The following ARHGAP15 variants were observed in gnomAD, a reference collection of about 807,000 sequenced individuals.
ARHGAP15 encodes Rho GTPase activating protein 15.
A neutral mutation model predicts 63.7 loss-of-function variants in ARHGAP15; 51 were observed. The observed-to-expected ratio is 0.80, with a 90% CI of 0.64 to 1.01. The LOEUF (loss-of-function observed/expected upper bound fraction) is 1.01, where lower values mean the gene tolerates loss of function less well. Among genes scored for constraint, ARHGAP15 ranks in the 50% least tolerant of loss-of-function variants. ARHGAP15 has a pLI of 0.00. For missense variants in ARHGAP15, 560 were observed against 564.6 expected (o/e 0.99, Z 0.08); for synonymous variants, 191 against 193.8 (o/e 0.99, Z 0.12).
At chr2:143,577,456 T>C (rs1415774335) in intron 11 of ARHGAP15, among the ~76,000 whole-genome samples, 1 of 152,124 alleles carries the variant, frequency 6.6e-6, no homozygotes, top group Non-Finnish European at 1.5e-5. Flanking sequence ...TTTTCCTTTA[T>C]GTAACTGGAA....
chr2:143,756,697 A>G (rs1686589505), intron 13 of ARHGAP15, among the ~76,000 whole-genome samples: 1 of 152,244 alleles, frequency 6.6e-6, no homozygotes, highest in South Asian at 2.1e-4. Flanking sequence ...ATTTCCATTT[A>G]CAATGAGATA....
chr2:143,710,317 C>T (rs1399790532), intron 13 of ARHGAP15, among the ~76,000 whole-genome samples: 2 of 152,134 alleles, frequency 1.3e-5, no homozygotes, highest in Non-Finnish European at 2.9e-5. Flanking sequence ...CAACTGGACT[C>T]CCATAGCAGA....
chr2:143,255,598 ATAATT>A (rs1680380450), intron 6 of ARHGAP15, among the ~76,000 whole-genome samples: 1 of 150,376 alleles, frequency 6.6e-6, no homozygotes, highest in Non-Finnish European at 1.5e-5. Flanking sequence ...TAATGTGAAG[ATAATT>A]TAATAACATC....
In ARHGAP15 at chr2:143,681,860, C is replaced by A. The variant is rs564226044; in HGVS notation, c.1139-21559C>A. On this transcript the variant is annotated intron_variant, in intron 12 of 13. Transcript: ENST00000295095. ...GGTGCCAGAGGCATGGCAAGCAGCACTCTGCAGCTTGGTGCCCTATTCATA... is the reference window on the plus strand; with the variant it reads ...GGTGCCAGAGGCATGGCAAGCAGCAATCTGCAGCTTGGTGCCCTATTCATA... Among the ~76,000 whole-genome samples the A allele has an allele frequency of 5.3e-5, 8 of 152,312 alleles. No individual in the cohort carries two copies. In the South Asian group the frequency reaches 1.7e-3, roughly 32 times the overall value.
At chr2:143,424,642 A>C (rs767070385) in intron 6 of ARHGAP15, among the ~76,000 whole-genome samples, 10 of 152,092 alleles carry the variant, frequency 6.6e-5, no homozygotes, top group South Asian at 4.2e-4. Flanking sequence ...ACTAAATCTC[A>C]TCCATCCTTT....
chr2:143,468,030 T>A (rs1248998205), intron 8 of ARHGAP15, among the ~76,000 whole-genome samples: 1 of 152,132 alleles, frequency 6.6e-6, no homozygotes, highest in East Asian at 1.9e-4. Context: ...AGACCTTTGC[T>A]TCCTTAAAGC....
At chr2:143,600,581 A>G (rs1697728677) in intron 11 of ARHGAP15, among the ~76,000 whole-genome samples, 1 of 152,206 alleles carries the variant, frequency 6.6e-6, no homozygotes, top group Admixed American at 6.6e-5. Flanking sequence ...TGGTGTTACA[A>G]CCATGACTAC....
At chr2:143,321,497 A>T (rs1684020089) in intron 6 of ARHGAP15, among the ~76,000 whole-genome samples, 1 of 152,200 alleles carries the variant, frequency 6.6e-6, no homozygotes, top group South Asian at 2.1e-4. Context: ...CTTCCGGGGG[A>T]AAGTCCTAAG....
intron 11 of ARHGAP15, among the ~76,000 whole-genome samples, chr2:143,613,022 C>CA (rs1698317084): frequency 6.6e-6 from 1 of 152,164 alleles, no homozygotes; most frequent in African/African-American, 2.4e-5. Flanking sequence ...TTTGAGATGT[C>CA]AGTTTCCTTG....
intron 12 of ARHGAP15, among the ~76,000 whole-genome samples, chr2:143,667,210 C>T (rs1348956024): frequency 6.7e-6 from 1 of 148,432 alleles, no homozygotes; most frequent in African/African-American, 2.5e-5. Context: ...GAAAATGTGG[C>T]ACATATACAC....
intron 6 of ARHGAP15, among the ~76,000 whole-genome samples, chr2:143,395,822 A>T (rs1687732671): frequency 6.6e-6 from 1 of 151,994 alleles, no homozygotes. Flanking sequence ...GTAGACAGAA[A>T]CGTAATACAG....
At chr2:143,219,904 A>G (rs1488544525) in intron 4 of ARHGAP15, among the ~76,000 whole-genome samples, 1 of 152,170 alleles carries the variant, frequency 6.6e-6, no homozygotes, top group African/African-American at 2.4e-5. Context: ...CTGCTTTTTT[A>G]TTCAATAATT....
chr2:143,754,665 G>C (rs184259097), intron 13 of ARHGAP15, among the ~76,000 whole-genome samples: 2 of 152,272 alleles, frequency 1.3e-5, no homozygotes, highest in African/African-American at 4.8e-5. Context: ...CACTCCCAGG[G>C]AACGGGATTA....
intron 1 of ARHGAP15, among the ~76,000 whole-genome samples, chr2:143,142,954 T>C (rs1166461641): frequency 2.0e-5 from 3 of 152,184 alleles, no homozygotes; most frequent in Non-Finnish European, 4.4e-5. Context: ...AACTATTTAA[T>C]ACTCTAAATA....
intron 11 of ARHGAP15, among the ~76,000 whole-genome samples, chr2:143,576,935 G>A (rs1445687520): frequency 3.3e-5 from 5 of 152,110 alleles, no homozygotes; most frequent in Admixed American, 2.0e-4. Flanking sequence ...TTTAGCTGAT[G>A]ACCATATAGA....
intron 6 of ARHGAP15, among the ~76,000 whole-genome samples, chr2:143,365,093 T>C (rs1472519065): frequency 6.6e-6 from 1 of 152,194 alleles, no homozygotes; most frequent in Non-Finnish European, 1.5e-5. Flanking sequence ...TTAGTTCTTA[T>C]AATATAGAGG....
intron 12 of ARHGAP15, among the ~76,000 whole-genome samples, chr2:143,678,646 T>G (rs568627902): frequency 6.6e-6 from 1 of 152,318 alleles, no homozygotes; most frequent in Admixed American, 6.5e-5. Context: ...GAGAACAGAA[T>G]GTTTTCCAAG....
intron 11 of ARHGAP15, among the ~76,000 whole-genome samples, chr2:143,594,046 G>GT (rs1223826889): frequency 1.3e-5 from 2 of 152,114 alleles, no homozygotes; most frequent in African/African-American, 4.8e-5. Flanking sequence ...AAGTCACAAG[G>GT]TAAGTGTTAA....
At chr2:143,582,949 A>C (rs1178197034) in intron 11 of ARHGAP15, among the ~76,000 whole-genome samples, 2 of 152,330 alleles carry the variant, frequency 1.3e-5, no homozygotes, top group East Asian at 3.9e-4. Flanking sequence ...GTTGAGTCCC[A>C]GCTTTTCTTC....
Sources: gnomAD v4.1 joint callset for allele counts (sites outside exome capture counted in the v4.1 genomes callset) on GRCh38, gnomAD v4.1.1 for gene constraint, MANE v1.5 for transcripts, NCBI Gene and HGNC (gene_info 2026-07-23, HGNC 2026-07-21) for gene names.